ENTREP2: variants seen among roughly 807,000 people sequenced by gnomAD.
The protein encoded by ENTREP2 is protein ENTREP2.
At chr15:29,422,238 C>G in the ENTREP2 span, among the ~76,000 whole-genome samples, 2 of 151,770 alleles carry the variant, frequency 1.3e-5, no homozygotes, top group Non-Finnish European at 2.9e-5. Flanking sequence ...CCATTGCACT[C>G]CAGCCTGAGC....
the ENTREP2 span, among the ~76,000 whole-genome samples, chr15:29,600,900 TTC>T: frequency 2.4e-5 from 3 of 124,326 alleles, 1 homozygote; most frequent in African/African-American, 8.2e-5. Context: ...TGATTTTTCT[TTC>T]TTTTTTTTTT....
the ENTREP2 span, among the ~76,000 whole-genome samples, chr15:29,308,013 ATAAG>A: frequency 2.0e-5 from 3 of 152,250 alleles, no homozygotes; most frequent in African/African-American, 4.8e-5. Flanking sequence ...ATGTCAACAA[ATAAG>A]TAATAATGTG....
At chr15:29,635,434 C>G in the ENTREP2 span, among the ~76,000 whole-genome samples, 2 of 152,146 alleles carry the variant, frequency 1.3e-5, no homozygotes, top group Non-Finnish European at 2.9e-5. Flanking sequence ...CTGAGACACC[C>G]AGCCTCGTCC....
At chr15:29,435,657 CATAT>C in the ENTREP2 span, among the ~76,000 whole-genome samples, 1 of 151,104 alleles carries the variant, frequency 6.6e-6, no homozygotes, top group African/African-American at 2.4e-5. Context: ...AATGTTGCTG[CATAT>C]ATATATACAC....
the ENTREP2 span, among the ~76,000 whole-genome samples, chr15:29,143,135 C>T: frequency 7.9e-5 from 12 of 152,180 alleles, no homozygotes; most frequent in African/African-American, 2.9e-4. Flanking sequence ...TCTTTGGAGA[C>T]TTGTTCTTGC....
chr15:29,416,887 T>C, the ENTREP2 span, among the ~76,000 whole-genome samples: 14 of 152,236 alleles, frequency 9.2e-5, no homozygotes, highest in Admixed American at 6.5e-4. Context: ...AGAAAACACA[T>C]GAAAAATTGC....
the ENTREP2 span, among the ~76,000 whole-genome samples, chr15:29,626,003 C>T: frequency 6.6e-6 from 1 of 152,062 alleles, no homozygotes; most frequent in Non-Finnish European, 1.5e-5. Context: ...TGTGCCACCA[C>T]ACTTGGCTAA....
At chr15:29,527,696 G>C in the ENTREP2 span, among the ~76,000 whole-genome samples, 3 of 152,128 alleles carry the variant, frequency 2.0e-5, no homozygotes, top group East Asian at 3.9e-4. Flanking sequence ...ATGAGCCATG[G>C]AGAAGCTTAT....
chr15:29,269,162 C>T, the ENTREP2 span: 1 of 1,614,138 alleles, frequency 6.2e-7, no homozygotes. Context: ...AGCCCTAAGA[C>T]GATCATCAGG....
chr15:29,620,988 C>T, the ENTREP2 span, among the ~76,000 whole-genome samples: 6 of 152,110 alleles, frequency 3.9e-5, no homozygotes, highest in African/African-American at 1.5e-4. Context: ...GTGGGAGGAG[C>T]CGGGTGGACT....
the ENTREP2 span, among the ~76,000 whole-genome samples, chr15:29,625,600 C>G: frequency 6.6e-6 from 1 of 151,894 alleles, no homozygotes; most frequent in African/African-American, 2.4e-5. Context: ...TTCACCATGT[C>G]GGCCAGGCTG....
At chr15:29,303,553 G>A in the ENTREP2 span, among the ~76,000 whole-genome samples, 1 of 152,002 alleles carries the variant, frequency 6.6e-6, no homozygotes, top group Non-Finnish European at 1.5e-5. Flanking sequence ...TAAATGGCAT[G>A]TTGTTGGGGG....
the ENTREP2 span, among the ~76,000 whole-genome samples, chr15:29,243,566 G>T: frequency 5.3e-5 from 8 of 151,964 alleles, no homozygotes; most frequent in African/African-American, 1.9e-4. Flanking sequence ...AGTAGAAGGG[G>T]TTAATAAAAT....
At chr15:29,293,090 T>A in the ENTREP2 span, among the ~76,000 whole-genome samples, 1 of 152,192 alleles carries the variant, frequency 6.6e-6, no homozygotes, top group Non-Finnish European at 1.5e-5. Flanking sequence ...CAACATCCAC[T>A]GCTTAACATG....
chr15:29,353,549 A>C, the ENTREP2 span, among the ~76,000 whole-genome samples: 1 of 152,218 alleles, frequency 6.6e-6, no homozygotes, highest in Non-Finnish European at 1.5e-5. Flanking sequence ...CAGCAGGCTA[A>C]CACTGACTGC....
At chr15:29,260,738 C>A in the ENTREP2 span, among the ~76,000 whole-genome samples, 1 of 107,280 alleles carries the variant, frequency 9.3e-6, no homozygotes, top group African/African-American at 3.5e-5. Flanking sequence ...TGTACCTCAT[C>A]TTTCTACTTT....
At chr15:29,430,539 G>T in the ENTREP2 span, among the ~76,000 whole-genome samples, 1 of 152,046 alleles carries the variant, frequency 6.6e-6, no homozygotes, top group Non-Finnish European at 1.5e-5. Context: ...ACAGCTACTC[G>T]GGAGGCTAAG....
At chr15:29,607,664 A>T in the ENTREP2 span, among the ~76,000 whole-genome samples, 1 of 152,118 alleles carries the variant, frequency 6.6e-6, no homozygotes, top group East Asian at 1.9e-4. Context: ...TATTCTCTCT[A>T]GTTTTTAAAA....
chr15:29,488,043 A>G, the ENTREP2 span, among the ~76,000 whole-genome samples: 1 of 152,204 alleles, frequency 6.6e-6, no homozygotes, highest in South Asian at 2.1e-4. Context: ...ACAAGAAAAT[A>G]TGGCTCATTC....
Sources: allele counts gnomAD v4.1 joint callset (sites outside exome capture counted in the v4.1 genomes callset), GRCh38; gene constraint gnomAD v4.1.1; transcripts MANE v1.5; gene names NCBI Gene and HGNC (gene_info 2026-07-23, HGNC 2026-07-21).